Variants in MRPL22 observed in about 807,000 individuals in gnomAD.
The protein encoded by MRPL22 is large ribosomal subunit protein uL22m.
Under a neutral mutation model 32.4 loss-of-function variants are expected in MRPL22, and 27 were observed. The observed-to-expected ratio is 0.83, with a 90% confidence interval of 0.61 to 1.15. The LOEUF is 1.15. Among genes scored for constraint, MRPL22 ranks in the 50% most tolerant of loss-of-function variants. The pLI is 0.00. For synonymous variants in MRPL22, 86 were observed against 87.3 expected, an observed-to-expected ratio of 0.99 and a Z score of 0.08; for missense variants, 239 against 260.2, an observed-to-expected ratio of 0.92 and a Z score of 0.56.
At chr5:154,961,434 T>C (rs1005054420) in intron 6 of MRPL22, among the ~76,000 whole-genome samples, 5 of 152,234 alleles carry the variant, frequency 3.3e-5, no homozygotes, top group Non-Finnish European at 5.9e-5. Flanking sequence ...TCAAATTTAA[T>C]TAATTTTATG....
chr5:154,941,389 C>A, intron 2 of MRPL22, 124 bp downstream of exon 2: 1 of 1,156,596 alleles, frequency 8.6e-7, no homozygotes, highest in Non-Finnish European at 1.2e-6. Context: ...GCGAATGAGA[C>A]AGCCCGAGTC....
intron 3 of MRPL22, among the ~76,000 whole-genome samples, chr5:154,953,174 G>A (rs1764585355): frequency 6.6e-6 from 1 of 151,810 alleles, no homozygotes; most frequent in South Asian, 2.1e-4. Flanking sequence ...TGGCCAATAT[G>A]GTGAAGTCAC....
intron 6 of MRPL22, among the ~76,000 whole-genome samples, chr5:154,960,836 C>T (rs1228287786): frequency 1.3e-5 from 2 of 152,160 alleles, no homozygotes; most frequent in East Asian, 3.9e-4. Context: ...GCAATTACTC[C>T]TAACCTCAGC....
At chr5:154,957,445 T>G (rs1764645067) in intron 5 of MRPL22, among the ~76,000 whole-genome samples, 1 of 152,196 alleles carries the variant, frequency 6.6e-6, no homozygotes, top group Non-Finnish European at 1.5e-5. Context: ...ACCAAATATT[T>G]ATCTGTTTTT....
chr5:154,966,789 G>A lies in MRPL22; in HGVS notation c.513G>A (p.Lys171=), dbSNP rs2113017188. Residue 171 remains lysine (K), a synonymous_variant, in exon 7 of 7, where the codon AAG becomes AAA. Transcript: ENST00000523037. ...AGGTTTATTGCCATTATTTTGTGAA[G>A]TTGGTGGAAGGGCCCCCACCTCCAC... The part of the protein sequence containing the change: ...MEKVYCHYFV[K]LVEGPPPPPE... 6.2e-7 allele frequency: 1 copy of A among 1,614,208 alleles called. No homozygotes were observed. Among genetic ancestry groups the A allele is most frequent in the Non-Finnish European group, 8.5e-7 (1 of 1,180,034 alleles).
chr5:154,965,379 A>G (rs1582696404), intron 6 of MRPL22, among the ~76,000 whole-genome samples: 1 of 151,502 alleles, frequency 6.6e-6, no homozygotes, highest in Admixed American at 6.6e-5. Context: ...GATGGCTACT[A>G]CTCTGACTTA....
chr5:154,942,421 G>A (rs1227230118), intron 2 of MRPL22, among the ~76,000 whole-genome samples: 1 of 152,090 alleles, frequency 6.6e-6, no homozygotes, highest in Admixed American at 6.6e-5. Flanking sequence ...GGGTCCGAGG[G>A]GGATAAAGAG....
At chr5:154,962,866 G>A (rs1764722428) in intron 6 of MRPL22, among the ~76,000 whole-genome samples, 1 of 152,152 alleles carries the variant, frequency 6.6e-6, no homozygotes, top group African/African-American at 2.4e-5. Flanking sequence ...GGCTTCTAAT[G>A]TTACAATTTC....
At chr5:154,953,991 CTTT>C (rs1163927758) in intron 3 of MRPL22, among the ~76,000 whole-genome samples, 5 of 123,290 alleles carry the variant, frequency 4.1e-5, no homozygotes, top group Admixed American at 8.1e-5. Context: ...TGGCCTAAAA[CTTT>C]TTTTTTTTTT....
rs529323837 is a variant in MRPL22, at chr5:154,968,669, A to G, written c.*1772A>G. On this transcript the variant is annotated 3_prime_UTR_variant, in exon 7 of 7. Coordinates refer to ENST00000523037, the MANE Select transcript of MRPL22 (RefSeq NM_014180.4). ...TATCACACCAGGTCACTGTGCTCTC[A>G]TGTGGTGGGGATGCTCCACGATTGC... The G allele has an allele frequency of 6.6e-6, 1 of 152,168 alleles. No individual in the cohort carries two copies. The highest frequency in any genetic ancestry group is 2.4e-5 in the African/African-American group (1 of 41,444). The allele number at this position is 152,168 out of a possible 1,614,324, so 9.4% of individuals were successfully genotyped here. A position where few individuals can be genotyped will look rare whatever the true frequency, so the allele number is the denominator to read the frequency against.
intron 6 of MRPL22, among the ~76,000 whole-genome samples, chr5:154,960,804 TTA>T (rs1385198898): frequency 6.6e-6 from 1 of 152,096 alleles, no homozygotes; most frequent in African/African-American, 2.4e-5. Context: ...GTGGTTGGAG[TTA>T]TTATTTTTTT....
At chr5:154,952,693 C>T (rs1764579487) in intron 3 of MRPL22, among the ~76,000 whole-genome samples, 1 of 152,122 alleles carries the variant, frequency 6.6e-6, no homozygotes, top group South Asian at 2.1e-4. Context: ...ACCTAACTTA[C>T]CAGAAATAAT....
At chr5:154,948,560 G>A (rs1270698756) in intron 2 of MRPL22, among the ~76,000 whole-genome samples, 1 of 152,168 alleles carries the variant, frequency 6.6e-6, no homozygotes, top group Non-Finnish European at 1.5e-5. Flanking sequence ...GAATCTAGGG[G>A]CTTGAGCCCC....
chr5:154,962,821 C>T (rs1257015536), intron 6 of MRPL22, among the ~76,000 whole-genome samples: 1 of 152,146 alleles, frequency 6.6e-6, no homozygotes, highest in African/African-American at 2.4e-5. Flanking sequence ...GTACATCAAT[C>T]TTATTGGCTG....
At chr5:154,947,803 C>T (rs1716609783) in intron 2 of MRPL22, among the ~76,000 whole-genome samples, 1 of 152,106 alleles carries the variant, frequency 6.6e-6, no homozygotes, top group Non-Finnish European at 1.5e-5. Context: ...CTGGCAAGAA[C>T]AAAGTATTAA....
chr5:154,948,319 A>G (rs571882761), intron 2 of MRPL22, among the ~76,000 whole-genome samples: 7 of 152,192 alleles, frequency 4.6e-5, no homozygotes, highest in Non-Finnish European at 8.8e-5. Context: ...TAAACTTCCA[A>G]TGGCTTCGTA....
chr5:154,955,342 A>G (rs956907293), intron 3 of MRPL22: 3 of 152,220 alleles, frequency 2.0e-5, no homozygotes, highest in African/African-American at 4.8e-5. Context: ...AGGAGTCAGA[A>G]TGTTAGAAAG....
chr5:154,945,536 T>C (rs529823603), intron 2 of MRPL22, among the ~76,000 whole-genome samples: 52 of 152,322 alleles, frequency 3.4e-4, no homozygotes, highest in Admixed American at 2.9e-3. Flanking sequence ...AATGCATGGA[T>C]AATGTTTAAA....
intron 2 of MRPL22, among the ~76,000 whole-genome samples, chr5:154,946,831 TAAAC>T (rs1764498313): frequency 6.6e-6 from 1 of 151,902 alleles, no homozygotes; most frequent in South Asian, 2.1e-4. Flanking sequence ...CAAAATAAAA[TAAAC>T]AAAACAGAGG....
Sources: allele counts gnomAD v4.1 joint callset (sites outside exome capture counted in the v4.1 genomes callset), GRCh38; gene constraint gnomAD v4.1.1; transcripts MANE v1.5; gene names NCBI Gene and HGNC (gene_info 2026-07-23, HGNC 2026-07-21).